Variants in TTBK2 observed in about 807,000 individuals in gnomAD.
TTBK2 encodes the protein tau tubulin kinase 2.
A neutral mutation model predicts 110.8 loss-of-function variants in TTBK2; 28 were observed. That is an observed-to-expected ratio of 0.25 (90% CI 0.19 to 0.35). The LOEUF (loss-of-function observed/expected upper bound fraction) is 0.35, where lower values mean the gene tolerates loss of function less well. Ranked by LOEUF, TTBK2 falls within the 10% of genes least tolerant of loss-of-function variation. TTBK2 has a pLI of 1.00. For synonymous variants in TTBK2, 532 were observed against 527.3 expected, an observed-to-expected ratio of 1.01 and a Z score of -0.12; for missense variants, 1,369 against 1,500.3, an observed-to-expected ratio of 0.91 and a Z score of 1.45.
At chr15:42,815,935 TATATATATATATTTAAAAAAAAA>T (rs1567040428) in intron 7 of TTBK2, among the ~76,000 whole-genome samples, 15 of 33,226 alleles carry the variant, frequency 4.5e-4, no homozygotes, top group African/African-American at 2.5e-3. Flanking sequence ...TTTAAAAATA[TATATATATATATTTAAAAAAAAA>T]ATATATATAT....
At chr15:42,824,925 G>C (rs74897917) in intron 6 of TTBK2, among the ~76,000 whole-genome samples, 73 of 151,850 alleles carry the variant, frequency 4.8e-4, no homozygotes, top group African/African-American at 1.7e-3. Context: ...AGGGGAAAAA[G>C]CAAATAATAA....
intron 4 of TTBK2, among the ~76,000 whole-genome samples, chr15:42,830,322 G>A (rs926435178): frequency 2.0e-5 from 3 of 152,022 alleles, no homozygotes; most frequent in Non-Finnish European, 4.4e-5. Context: ...CGAGTAGCTG[G>A]GGTTACAGGT....
chr15:42,914,971 T>C (rs1567093565), intron 1 of TTBK2, among the ~76,000 whole-genome samples: 1 of 152,214 alleles, frequency 6.6e-6, no homozygotes, highest in Non-Finnish European at 1.5e-5. Flanking sequence ...AGTGAGTAGA[T>C]TATTTGTCTT....
chr15:42,899,456 T>A (rs1206270449), intron 1 of TTBK2, among the ~76,000 whole-genome samples: 3 of 151,592 alleles, frequency 2.0e-5, no homozygotes, highest in Non-Finnish European at 4.4e-5. Context: ...ATTAGCCAGG[T>A]GTGGCCGGGC....
intron 1 of TTBK2, among the ~76,000 whole-genome samples, chr15:42,907,187 G>A (rs1470410655): frequency 6.6e-6 from 1 of 152,114 alleles, no homozygotes; most frequent in Non-Finnish European, 1.5e-5. Context: ...AACAAATGCT[G>A]GCAAGGATAT....
chr15:42,867,868 C>A (rs570668030), intron 3 of TTBK2, among the ~76,000 whole-genome samples: 2 of 152,286 alleles, frequency 1.3e-5, no homozygotes, highest in African/African-American at 4.8e-5. Flanking sequence ...TATATCCACA[C>A]AAAAATCTGC....
intron 9 of TTBK2, among the ~76,000 whole-genome samples, chr15:42,807,130 A>T (rs946169473): frequency 2.0e-5 from 3 of 152,188 alleles, no homozygotes; most frequent in South Asian, 2.1e-4. Context: ...ATTTTTATGT[A>T]ATCTACATTT....
intron 7 of TTBK2, among the ~76,000 whole-genome samples, chr15:42,816,179 C>T (rs1170940249): frequency 2.2e-5 from 3 of 136,624 alleles, no homozygotes; most frequent in South Asian, 4.6e-4. Context: ...TGCAGTGGTG[C>T]GATCTCAGCT....
At chr15:42,907,388 T>C (rs1252482389) in intron 1 of TTBK2, among the ~76,000 whole-genome samples, 2 of 152,200 alleles carry the variant, frequency 1.3e-5, no homozygotes, top group African/African-American at 4.8e-5. Flanking sequence ...CCCATGTTTA[T>C]TGCAGCACTA....
At position 42,752,654 on chromosome 15, in the gene TTBK2, T is replaced by C. The variant is rs56307230; in HGVS notation, c.2592A>G (p.Glu864=). ...TTTCTGCCACTTGGCCTATCTGACC[T>C]TCAACATGTGGGTCAATGTCTCTGG... is the stretch of plus-strand genomic sequence containing the variant. ...ISSRDIDPHV[E]GQIGQVAEMQ... Residue 864 remains glutamate, a synonymous_variant, in exon 14 of 15, where the codon GAA becomes GAG. Coordinates refer to ENST00000267890, the MANE Select transcript of TTBK2 (RefSeq NM_173500.4). 0.012 allele frequency: 19,018 copies of C among 1,614,120 alleles called. 158 individuals are homozygous for C. Among genetic ancestry groups the C allele is most frequent in the Non-Finnish European group, 0.014 (16,034 of 1,180,038 alleles).
At chr15:42,914,255 C>T (rs2030960781) in intron 1 of TTBK2, among the ~76,000 whole-genome samples, 1 of 152,124 alleles carries the variant, frequency 6.6e-6, no homozygotes, top group Non-Finnish European at 1.5e-5. Context: ...GGATTATAGG[C>T]ATGAGCCACC....
chr15:42,817,783 C>G (rs1042943828), intron 6 of TTBK2, among the ~76,000 whole-genome samples: 2 of 152,164 alleles, frequency 1.3e-5, no homozygotes, highest in African/African-American at 4.8e-5. Context: ...ACCATGGTTT[C>G]TTTCATGACC....
At chr15:42,867,100 C>T (rs967727135) in intron 3 of TTBK2, among the ~76,000 whole-genome samples, 5 of 151,654 alleles carry the variant, frequency 3.3e-5, no homozygotes, top group Admixed American at 1.3e-4. Flanking sequence ...AAAAATTAGC[C>T]GGGCATGGTG....
At chr15:42,783,302 G>T in intron 11 of TTBK2, 117 bp downstream of exon 11, 1 of 951,026 alleles carries the variant, frequency 1.1e-6, no homozygotes, top group Non-Finnish European at 1.7e-6. Context: ...GACTCAGCAA[G>T]GAGGAGCCAC....
rs2061738845 is a variant in TTBK2 at position 42,739,699 on chromosome 15, T to C, written c.*6096A>G. On this transcript the variant is annotated 3_prime_UTR_variant, in exon 15 of 15. Coordinates refer to ENST00000267890, the MANE Select transcript of TTBK2 (RefSeq NM_173500.4). The stretch of plus-strand genomic sequence containing the variant: ...AGCTTTGTCACCTCAGTGGACTACT[T>C]TGGCTGATGAACAGTTCAAATAGAA... The C allele has an allele frequency of 6.6e-6, 1 of 152,252 alleles. No individual in the cohort carries two copies. The highest frequency in any genetic ancestry group is 2.4e-5 in the African/African-American group (1 of 41,462). The allele number at this position is 152,252 out of a possible 1,614,324, so 9.4% of individuals were successfully genotyped here.
chr15:42,876,101 C>T (rs1894811483), intron 2 of TTBK2, among the ~76,000 whole-genome samples: 3 of 151,936 alleles, frequency 2.0e-5, no homozygotes, highest in African/African-American at 7.3e-5. Flanking sequence ...TTCCTAGTGC[C>T]ACATGGTTAA....
intron 1 of TTBK2, among the ~76,000 whole-genome samples, chr15:42,920,233 T>C (rs2031295806): frequency 6.6e-6 from 1 of 152,004 alleles, no homozygotes; most frequent in African/African-American, 2.4e-5. Context: ...GCGGCAGCCT[T>C]CGGGGAAATC....
intron 1 of TTBK2, among the ~76,000 whole-genome samples, chr15:42,899,068 C>T (rs756423668): frequency 2.0e-5 from 3 of 152,192 alleles, no homozygotes; most frequent in Non-Finnish European, 2.9e-5. Context: ...TCTCAGCTCT[C>T]TGAAAACTCC....
At chr15:42,895,855 C>T (rs763594967) in intron 1 of TTBK2, among the ~76,000 whole-genome samples, 4 of 151,760 alleles carry the variant, frequency 2.6e-5, no homozygotes, top group Non-Finnish European at 5.9e-5. Flanking sequence ...GATTCCATTA[C>T]CACTATCTAA....
Sources: allele counts gnomAD v4.1 joint callset (sites outside exome capture counted in the v4.1 genomes callset), GRCh38; gene constraint gnomAD v4.1.1; transcripts MANE v1.5; gene names NCBI Gene and HGNC (gene_info 2026-07-23, HGNC 2026-07-21).